Variants in MGAT4C observed in about 807,000 individuals in gnomAD.
MGAT4C encodes MGAT4 family member C, also known as alpha-1,3-mannosyl-glycoprotein 4-beta-N-acetylglucosaminyltransferase C.
A neutral mutation model predicts 40.1 loss-of-function variants in MGAT4C; 19 were observed. That is an observed-to-expected ratio of 0.47 (90% CI 0.33 to 0.70). The LOEUF is 0.70. Among genes scored for constraint, MGAT4C ranks in the 30% least tolerant of loss-of-function variants. The pLI, the probability that MGAT4C is intolerant of heterozygous loss-of-function variation, is 0.02. For synonymous variants in MGAT4C, 181 were observed against 187.1 expected (o/e 0.97, Z 0.27); for missense variants, 491 against 563.2 (o/e 0.87, Z 1.30).
intron 2 of MGAT4C, among the ~76,000 whole-genome samples, chr12:86,040,114 G>T (rs1891656387): frequency 6.6e-6 from 1 of 152,160 alleles, no homozygotes; most frequent in Non-Finnish European, 1.5e-5. Context: ...TCCCAGAGGG[G>T]CACCTGCCAG....
At chr12:86,256,551 T>C (rs1592602461), upstream of MGAT4C, 1 of 152,130 alleles carries the variant, frequency 6.6e-6, no homozygotes, top group Non-Finnish European at 1.5e-5. Context: ...ATTTCTGCCT[T>C]TAAAAGGAGA....
At chr12:86,758,279 G>A (rs1471032981) in intron 1 of MGAT4C, among the ~76,000 whole-genome samples, 1 of 151,388 alleles carries the variant, frequency 6.6e-6, no homozygotes, top group African/African-American at 2.4e-5. Flanking sequence ...GGTTATCACA[G>A]AAGCACATAT....
intron 3 of MGAT4C, among the ~76,000 whole-genome samples, chr12:86,388,116 T>G (rs1956091438): frequency 6.6e-6 from 1 of 152,154 alleles, no homozygotes; most frequent in South Asian, 2.1e-4. Context: ...AAAGCCATTT[T>G]ATAAATGCAG....
At chr12:86,185,433 G>A (rs1490285466) in intron 1 of MGAT4C, among the ~76,000 whole-genome samples, 1 of 152,142 alleles carries the variant, frequency 6.6e-6, no homozygotes, top group Non-Finnish European at 1.5e-5. Flanking sequence ...TATTCTGAAT[G>A]AGACTTTTGT....
intron 2 of MGAT4C, among the ~76,000 whole-genome samples, chr12:86,592,721 C>T (rs1252715789): frequency 1.3e-5 from 2 of 152,126 alleles, no homozygotes; most frequent in African/African-American, 4.8e-5. Context: ...GGGTCTTTTG[C>T]TTATGATACC....
At chr12:86,496,029 CTT>C (rs1235889531) in intron 2 of MGAT4C, among the ~76,000 whole-genome samples, 1 of 151,772 alleles carries the variant, frequency 6.6e-6, no homozygotes, top group Non-Finnish European at 1.5e-5. Flanking sequence ...GGATTTGAGA[CTT>C]AACTCCTACC....
intron 2 of MGAT4C, among the ~76,000 whole-genome samples, chr12:86,631,583 C>G (rs1404917321): frequency 2.6e-5 from 4 of 151,872 alleles, no homozygotes; most frequent in African/African-American, 9.7e-5. Flanking sequence ...CAGAACAGAG[C>G]CCTCAGAAAT....
At chr12:86,544,014 C>T (rs1486244330) in intron 2 of MGAT4C, among the ~76,000 whole-genome samples, 1 of 152,096 alleles carries the variant, frequency 6.6e-6, no homozygotes, top group Non-Finnish European at 1.5e-5. Flanking sequence ...ATACTACATT[C>T]AGCTAGATAG....
At chr12:86,610,923 A>G (rs1375135209) in intron 2 of MGAT4C, among the ~76,000 whole-genome samples, 2 of 152,146 alleles carry the variant, frequency 1.3e-5, no homozygotes, top group Non-Finnish European at 2.9e-5. Context: ...CTCAGGCTAT[A>G]AGAAAACCTT....
chr12:86,727,775 A>G (rs1015154691), intron 1 of MGAT4C, among the ~76,000 whole-genome samples: 1 of 152,048 alleles, frequency 6.6e-6, no homozygotes, highest in African/African-American at 2.4e-5. Context: ...TTTTATATAC[A>G]TGGAAATCAT....
chr12:86,452,208 A>G (rs1312899641), intron 2 of MGAT4C, among the ~76,000 whole-genome samples: 2 of 137,462 alleles, frequency 1.5e-5, no homozygotes, highest in East Asian at 4.2e-4. Flanking sequence ...TTTTTTTTTT[A>G]TATACTTTTT....
At chr12:86,795,278 G>A (rs570035920) in intron 1 of MGAT4C, among the ~76,000 whole-genome samples, 8 of 151,986 alleles carry the variant, frequency 5.3e-5, no homozygotes, top group African/African-American at 1.9e-4. Context: ...TCATAATTAA[G>A]AAAGAGTGGA....
At chr12:86,578,683 A>C (rs1960657977) in intron 2 of MGAT4C, among the ~76,000 whole-genome samples, 1 of 151,708 alleles carries the variant, frequency 6.6e-6, no homozygotes, top group African/African-American at 2.4e-5. Context: ...TGATACTTTG[A>C]ATTTCTGCAG....
intron 1 of MGAT4C, among the ~76,000 whole-genome samples, chr12:86,820,281 T>C (rs1401341917): frequency 6.6e-6 from 1 of 150,836 alleles, no homozygotes; most frequent in African/African-American, 2.4e-5. Flanking sequence ...TTACTTGTTG[T>C]ATATGTCCAC....
intron 3 of MGAT4C, among the ~76,000 whole-genome samples, chr12:85,983,937 A>G (rs1040671227): frequency 2.0e-5 from 3 of 152,142 alleles, no homozygotes; most frequent in Non-Finnish European, 4.4e-5. Context: ...TAATAATGAT[A>G]ATCTCTTAAA....
At chr12:86,798,154 C>A (rs111869253) in intron 1 of MGAT4C, among the ~76,000 whole-genome samples, 1 of 151,886 alleles carries the variant, frequency 6.6e-6, no homozygotes, top group Non-Finnish European at 1.5e-5. Context: ...TTCCATGACA[C>A]GTGAAGCCAT....
intron 2 of MGAT4C, among the ~76,000 whole-genome samples, chr12:86,480,490 A>C (rs1390275061): frequency 6.6e-6 from 1 of 151,154 alleles, no homozygotes; most frequent in Admixed American, 6.6e-5. Context: ...ATACATATAT[A>C]GATATGTACA....
chr12:86,329,882 C>T (rs1472515812), intron 4 of MGAT4C, among the ~76,000 whole-genome samples: 1 of 152,074 alleles, frequency 6.6e-6, no homozygotes, highest in Non-Finnish European at 1.5e-5. Context: ...ATAGTTAACC[C>T]TCAACAAATG....
chr12:86,512,573 C>T (rs1958609446), intron 2 of MGAT4C, among the ~76,000 whole-genome samples: 1 of 152,020 alleles, frequency 6.6e-6, no homozygotes. Context: ...ATGTGATATA[C>T]ATACAATGGA....
Sources: allele counts gnomAD v4.1 joint callset (sites outside exome capture counted in the v4.1 genomes callset), GRCh38; gene constraint gnomAD v4.1.1; transcripts MANE v1.5; gene names NCBI Gene and HGNC (gene_info 2026-07-23, HGNC 2026-07-21).